DLG2: variants seen among roughly 807,000 people sequenced by gnomAD.
DLG2 encodes disks large homolog 2.
A neutral mutation model predicts 132.5 loss-of-function variants in DLG2; 45 were observed. That is an observed-to-expected ratio of 0.34 (90% CI 0.27 to 0.44). The LOEUF (loss-of-function observed/expected upper bound fraction) is 0.44, where lower values mean the gene tolerates loss of function less well. Ranked by LOEUF, DLG2 falls within the 20% of genes least tolerant of loss-of-function variation. DLG2 has a pLI of 1.00. For missense variants in DLG2, 1,045 were observed against 1,196.9 expected (o/e 0.87, Z 1.87); for synonymous variants, 424 against 419.6 (o/e 1.01, Z -0.13).
intron 13 of DLG2, among the ~76,000 whole-genome samples, chr11:83,963,316 G>T (rs1198258708): frequency 2.0e-5 from 3 of 151,990 alleles, no homozygotes; most frequent in Admixed American, 2.0e-4. Flanking sequence ...TCAGAACAAT[G>T]ATTAATTTTC....
chr11:84,624,013 T>G (rs1594116899), intron 6 of DLG2, among the ~76,000 whole-genome samples: 1 of 152,314 alleles, frequency 6.6e-6, no homozygotes, highest in Middle Eastern at 3.4e-3. Flanking sequence ...TACTCAGGGA[T>G]TATTTACTGA....
intron 4 of DLG2, among the ~76,000 whole-genome samples, chr11:85,210,321 TGTC>T (rs1433317658): frequency 6.6e-6 from 1 of 152,004 alleles, no homozygotes; most frequent in Non-Finnish European, 1.5e-5. Flanking sequence ...CAGACACACT[TGTC>T]TTCTCCTTCC....
chr11:84,577,206 TG>T (rs1410555202), intron 6 of DLG2, among the ~76,000 whole-genome samples: 1 of 152,226 alleles, frequency 6.6e-6, no homozygotes. Context: ...GTTCCCAGTT[TG>T]GGGTATGTCT....
intron 3 of DLG2, among the ~76,000 whole-genome samples, chr11:85,462,515 G>A (rs2092649693): frequency 6.6e-6 from 1 of 152,054 alleles, no homozygotes; most frequent in African/African-American, 2.4e-5. Flanking sequence ...CATGGATGGA[G>A]CTGGAAACCA....
At chr11:84,123,525 C>T (rs767122551) in intron 9 of DLG2, among the ~76,000 whole-genome samples, 2 of 152,146 alleles carry the variant, frequency 1.3e-5, no homozygotes, top group Non-Finnish European at 2.9e-5. Flanking sequence ...AAATGTAGTC[C>T]TTTCACTGAG....
intron 3 of DLG2, among the ~76,000 whole-genome samples, chr11:85,528,790 T>A (rs2074978991): frequency 6.6e-6 from 1 of 152,158 alleles, no homozygotes; most frequent in African/African-American, 2.4e-5. Context: ...TTAATAAATG[T>A]TGAACAACAG....
chr11:84,746,002 C>A (rs1217891953), intron 6 of DLG2, among the ~76,000 whole-genome samples: 1 of 152,070 alleles, frequency 6.6e-6, no homozygotes, highest in Non-Finnish European at 1.5e-5. Flanking sequence ...CAGTTCAGGT[C>A]TATAAACATT....
At chr11:85,603,521 TTCTC>T (rs371011323) in intron 2 of DLG2, among the ~76,000 whole-genome samples, 2 of 152,084 alleles carry the variant, frequency 1.3e-5, no homozygotes, top group Non-Finnish European at 2.9e-5. Flanking sequence ...CCTTTTTCTT[TTCTC>T]TCTCTTTTTT....
At chr11:84,763,111 C>T (rs1305668157) in intron 6 of DLG2, among the ~76,000 whole-genome samples, 1 of 152,218 alleles carries the variant, frequency 6.6e-6, no homozygotes, top group Non-Finnish European at 1.5e-5. Context: ...ACTTTCAGGA[C>T]AGAGTCCGTA....
At chr11:84,708,209 G>A (rs148375454) in intron 6 of DLG2, among the ~76,000 whole-genome samples, 50 of 151,876 alleles carry the variant, frequency 3.3e-4, no homozygotes, top group African/African-American at 1.1e-3. Context: ...TAGTGTTCTC[G>A]TCTATAAAAA....
intron 3 of DLG2, among the ~76,000 whole-genome samples, chr11:85,397,010 A>G (rs286029): frequency 0.88 from 133,184 of 152,160 alleles, 58,608 homozygotes; most frequent in Non-Finnish European, 0.92. Flanking sequence ...AGGAAAAAAT[A>G]TTAAGGGCAT....
At chr11:84,088,991 A>T (rs1214375949) in intron 10 of DLG2, among the ~76,000 whole-genome samples, 1 of 152,180 alleles carries the variant, frequency 6.6e-6, no homozygotes, top group Admixed American at 6.5e-5. Context: ...TGAATAAAAC[A>T]TTTACCATGA....
At chr11:83,706,153 G>A (rs1283974125) in intron 18 of DLG2, among the ~76,000 whole-genome samples, 1 of 151,788 alleles carries the variant, frequency 6.6e-6, no homozygotes, top group Non-Finnish European at 1.5e-5. Context: ...GGGAGGCAGA[G>A]GTTGCAGTGA....
chr11:84,786,923 G>A (rs2072998979), intron 6 of DLG2, among the ~76,000 whole-genome samples: 1 of 152,144 alleles, frequency 6.6e-6, no homozygotes, highest in Non-Finnish European at 1.5e-5. Flanking sequence ...AAGTAAGTCT[G>A]TGCACTGCTC....
intron 8 of DLG2, among the ~76,000 whole-genome samples, chr11:84,193,876 G>A (rs1468528098): frequency 6.6e-6 from 1 of 152,120 alleles, no homozygotes; most frequent in African/African-American, 2.4e-5. Context: ...TTTGGGCAAG[G>A]GGTGTTGTTG....
chr11:84,709,748 T>C (rs2060164248), intron 6 of DLG2, among the ~76,000 whole-genome samples: 1 of 151,894 alleles, frequency 6.6e-6, no homozygotes, highest in African/African-American at 2.4e-5. Context: ...CCTTTCCCAC[T>C]TCTATCCAAG....
intron 14 of DLG2, among the ~76,000 whole-genome samples, chr11:83,944,423 G>A (rs895732436): frequency 2.0e-5 from 3 of 152,206 alleles, no homozygotes; most frequent in Non-Finnish European, 4.4e-5. Context: ...CTGAGGGACA[G>A]ATGACTAGTC....
intron 6 of DLG2, among the ~76,000 whole-genome samples, chr11:84,694,449 T>A (rs2058399252): frequency 6.6e-6 from 1 of 151,650 alleles, no homozygotes; most frequent in African/African-American, 2.4e-5. Context: ...CATTTCCACC[T>A]TATCCATCTC....
chr11:84,005,333 A>G (rs2094529985), intron 11 of DLG2, among the ~76,000 whole-genome samples: 1 of 151,960 alleles, frequency 6.6e-6, no homozygotes, highest in African/African-American at 2.4e-5. Flanking sequence ...ATCTGATCAT[A>G]TACAAAAATC....
Sources: allele counts gnomAD v4.1 joint callset (sites outside exome capture counted in the v4.1 genomes callset), GRCh38; gene constraint gnomAD v4.1.1; transcripts MANE v1.5; gene names NCBI Gene and HGNC (gene_info 2026-07-23, HGNC 2026-07-21).